Variants in PTAR1 observed in about 807,000 individuals in gnomAD.
PTAR1 encodes protein prenyltransferase alpha subunit repeat-containing protein 1.
PTAR1 carries 17 observed loss-of-function variants against 45.5 expected under a neutral mutation model. That is an observed-to-expected ratio of 0.37 (90% CI 0.26 to 0.56). The LOEUF (loss-of-function observed/expected upper bound fraction) is 0.56. Among genes scored for constraint, PTAR1 ranks in the 20% least tolerant of loss-of-function variants. The pLI is 0.77. For synonymous variants in PTAR1, 169 were observed against 171.3 expected (o/e 0.99, Z 0.11); for missense variants, 391 against 476.3 (o/e 0.82, Z 1.67).
In PTAR1 at chr9:69,710,729, T is replaced by C. The variant is rs376515413; in HGVS notation, c.*7613A>G. On this transcript the variant is annotated 3_prime_UTR_variant, in exon 8 of 8. Transcript: ENST00000340434. ...TTGGGGAAAAACAGATCAAGAAACA[T>C]AGCAGTACAACAGAGGGAAGACCAT... 4 of 152,138 alleles carry C rather than the reference T, an allele frequency of 2.6e-5. No individual in the cohort carries two copies. Among genetic ancestry groups the C allele is most frequent in the South Asian group, 2.1e-4 (1 of 4,826 alleles). 9.4% of individuals were successfully genotyped at this position (152,138 alleles called of 1,614,324 possible).
At chr9:69,758,567 G>C (rs1826905046) in intron 1 of PTAR1, 1 of 227,416 alleles carries the variant, frequency 4.4e-6, no homozygotes, top group Admixed American at 4.3e-5. Context: ...GGAGGGAAGT[G>C]GATGCTGTCA....
At chr9:69,719,102 A>T (rs144738742) in intron 6 of PTAR1, among the ~76,000 whole-genome samples, 1,890 of 152,286 alleles carry the variant, frequency 0.012, 43 homozygotes, top group African/African-American at 0.041. Context: ...AATAAGGGGA[A>T]TGAACAGTTC....
intron 3 of PTAR1, among the ~76,000 whole-genome samples, chr9:69,740,986 G>A (rs1449970875): frequency 6.6e-6 from 1 of 151,744 alleles, no homozygotes. Flanking sequence ...TTATCACTTC[G>A]GACACATCTC....
At position 69,732,038 on chromosome 9, in the gene PTAR1, T is replaced by C. The variant is rs1825561435; in HGVS notation, c.642+101A>G. 7 of 766,676 alleles carry C rather than the reference T, an allele frequency of 9.1e-6. No individual in the cohort carries two copies. In the Admixed American group the frequency reaches 1.1e-4, roughly 12 times the overall value. The allele number at this position is 766,676 out of a possible 1,614,324, so 47.5% of individuals were successfully genotyped here. A position where few individuals can be genotyped will look rare whatever the true frequency, so the allele number is the denominator to read the frequency against. ...GCGATTCTCTCAAGTTGCCAGACCA[T>C]CAGTTTCTCTACTCCTTCAAAGCTC... On this transcript the variant is annotated intron_variant, in intron 5 of 7. Transcript: ENST00000340434.
chr9:69,726,479 G>A (rs550273166), intron 5 of PTAR1, among the ~76,000 whole-genome samples: 11 of 151,954 alleles, frequency 7.2e-5, no homozygotes, highest in Non-Finnish European at 1.5e-4. Flanking sequence ...AATTATTTAG[G>A]AGAAATTTGT....
rs778007247 is a variant in PTAR1, at chr9:69,711,027, G to A, written c.*7315C>T. The A allele has an allele frequency of 6.6e-6, 1 of 150,990 alleles. No individual in the cohort carries two copies. The highest frequency in any genetic ancestry group is 2.4e-5 in the African/African-American group (1 of 41,072). 9.4% of individuals were successfully genotyped at this position (150,990 alleles called of 1,614,324 possible). ...ATTGACTAGTGTCCACAAAATTCGA[G>A]TCAAAAAAAAATTAGACGCTATTAA... On this transcript the variant is annotated 3_prime_UTR_variant, in exon 8 of 8. Transcript: ENST00000340434.
chr9:69,737,504 T>C (rs1005192944), intron 3 of PTAR1, among the ~76,000 whole-genome samples: 2 of 152,224 alleles, frequency 1.3e-5, no homozygotes, highest in Non-Finnish European at 2.9e-5. Context: ...TTAGATATAC[T>C]ATGATGGGCT....
At chr9:69,720,571 T>C (rs1034753231) in intron 6 of PTAR1, among the ~76,000 whole-genome samples, 1 of 152,198 alleles carries the variant, frequency 6.6e-6, no homozygotes, top group Admixed American at 6.6e-5. Flanking sequence ...AAGGCAGCTA[T>C]ACTGACAAGA....
intron 6 of PTAR1, among the ~76,000 whole-genome samples, chr9:69,720,307 T>C (rs139859955): frequency 9.2e-5 from 14 of 152,332 alleles, no homozygotes; most frequent in African/African-American, 2.9e-4. Context: ...TTTAGTGCTC[T>C]GGATAGAAAA....
chr9:69,735,783 G>A (rs1051596315), intron 3 of PTAR1, among the ~76,000 whole-genome samples: 4 of 151,886 alleles, frequency 2.6e-5, no homozygotes, highest in Non-Finnish European at 5.9e-5. Flanking sequence ...GAGAAAACCA[G>A]AATCCAGCTC....
In PTAR1 at chr9:69,732,207, G is replaced by C; in HGVS notation, c.574C>G (p.Pro192Ala). Residue 192 changes from proline to alanine, a missense_variant, in exon 5 of 8, where the codon CCA becomes GCA. By Grantham distance (27) the Pro-to-Ala change is conservative (BLOSUM62 -1). Coordinates refer to ENST00000340434, the MANE Select transcript of PTAR1 (RefSeq NM_001099666.2). ...TGGGACCAAGCATTATAGTTGCTTG[G>C]GTATCTCCCTGCTGCTTCACCACAG... ...EVCGEAAGRYPSNYNAWSHRI... is the reference protein window; with the variant it reads ...EVCGEAAGRYASNYNAWSHRI... 6.2e-7 allele frequency: 1 copy of C among 1,613,754 alleles called. No individual in the cohort carries two copies. Among genetic ancestry groups the C allele is most frequent in the Non-Finnish European group, 8.5e-7 (1 of 1,179,808 alleles).
intron 3 of PTAR1, among the ~76,000 whole-genome samples, chr9:69,735,374 C>A (rs1825738687): frequency 6.6e-6 from 1 of 152,092 alleles, no homozygotes; most frequent in Non-Finnish European, 1.5e-5. Context: ...ACTTATAATA[C>A]CTAATACAAT....
intron 7 of PTAR1, 32 bp from the exon 8 acceptor site, chr9:69,718,600 C>A: frequency 1.9e-6 from 3 of 1,613,412 alleles, no homozygotes; most frequent in Non-Finnish European, 2.5e-6. Flanking sequence ...TCAAAGTCCC[C>A]CCAGGGCTGT....
chr9:69,754,722 A>T (rs527559399), intron 1 of PTAR1, among the ~76,000 whole-genome samples: 1,531 of 141,210 alleles, frequency 0.011, 33 homozygotes, highest in African/African-American at 0.036. Flanking sequence ...ATATATATAT[A>T]TTTTTTTTTT....
chr9:69,753,736 A>G (rs1826637303), intron 1 of PTAR1, among the ~76,000 whole-genome samples: 1 of 152,330 alleles, frequency 6.6e-6, no homozygotes, highest in Admixed American at 6.5e-5. Context: ...GGAAAAACAC[A>G]TGAAGAGGTA....
intron 2 of PTAR1, among the ~76,000 whole-genome samples, chr9:69,745,243 G>A (rs1826225409): frequency 6.6e-6 from 1 of 152,162 alleles, no homozygotes; most frequent in Non-Finnish European, 1.5e-5. Flanking sequence ...TGTAAAATAC[G>A]CAGCAATAAC....
intron 3 of PTAR1, among the ~76,000 whole-genome samples, chr9:69,737,958 T>G (rs961272482): frequency 3.3e-5 from 5 of 152,212 alleles, no homozygotes; most frequent in African/African-American, 1.2e-4. Flanking sequence ...TGTCAAAATT[T>G]ATGCAACAGT....
rs1204589541 is a variant in PTAR1 at position 69,709,681 on chromosome 9, A to G, written c.*8661T>C. 2 of 152,148 alleles carry G rather than the reference A, an allele frequency of 1.3e-5. No homozygotes were observed. The highest frequency in any genetic ancestry group is 2.9e-5 in the Non-Finnish European group (2 of 67,982). The allele number at this position is 152,148 out of a possible 1,614,324, so 9.4% of individuals were successfully genotyped here. A position where few individuals can be genotyped will look rare whatever the true frequency, so the allele number is the denominator to read the frequency against. On this transcript the variant is annotated 3_prime_UTR_variant, in exon 8 of 8. Transcript: ENST00000340434. ...TAATGGAAAAAGAATATTTCATTCTACTTTTCTGCCACTTATCACAGTGTA... is the reference window on the plus strand; with the variant it reads ...TAATGGAAAAAGAATATTTCATTCTGCTTTTCTGCCACTTATCACAGTGTA...
At chr9:69,730,851 C>G (rs1825502889) in intron 5 of PTAR1, among the ~76,000 whole-genome samples, 1 of 151,904 alleles carries the variant, frequency 6.6e-6, no homozygotes, top group Admixed American at 6.6e-5. Flanking sequence ...CTCTGGAGAA[C>G]AGAGAAAGGA....
Sources: allele counts gnomAD v4.1 joint callset (sites outside exome capture counted in the v4.1 genomes callset), GRCh38; gene constraint gnomAD v4.1.1; transcripts MANE v1.5; gene names NCBI Gene and HGNC (gene_info 2026-07-23, HGNC 2026-07-21).